Variants in TMEM223 observed in about 807,000 individuals in gnomAD.
TMEM223 encodes the protein transmembrane protein 223.
Under a neutral mutation model 14.1 loss-of-function variants are expected in TMEM223, and 14 were observed. The ratio of observed to expected loss-of-function variants is 0.99; its 90% CI spans 0.66 to 1.55. The LOEUF (loss-of-function observed/expected upper bound fraction) is 1.55, where lower values mean the gene tolerates loss of function less well. Among genes scored for constraint, TMEM223 ranks in the 40% most tolerant of loss-of-function variants. The pLI, the probability that TMEM223 is intolerant of heterozygous loss-of-function variation, is 0.00. For synonymous variants in TMEM223, 145 were observed against 120.5 expected, an observed-to-expected ratio of 1.20 and a Z score of -1.33; for missense variants, 346 against 269.9, an observed-to-expected ratio of 1.28 and a Z score of -1.97.
chr11:62,777,860 A>G, intron 1 of TMEM223: 2 of 1,234,276 alleles, frequency 1.6e-6, no homozygotes, highest in Non-Finnish European at 2.2e-6. Context: ...TTTTCTTGGG[A>G]CTTCTGGACT....
chr11:62,772,100 G>A (rs1339409543), exon 3 of TMEM223: 1 of 456,224 alleles, frequency 2.2e-6, no homozygotes. Flanking sequence ...AGAAGTCATG[G>A]AACATTTAGC....
At chr11:62,783,235 C>T (rs1412796625), downstream of TMEM223, among the ~76,000 whole-genome samples, 2 of 152,186 alleles carry the variant, frequency 1.3e-5, no homozygotes, top group Non-Finnish European at 2.9e-5. Context: ...GTAATCCCAG[C>T]ACTTTGGGAG....
chr11:62,791,615 G>T, intron 1 of TMEM223, 64 bp downstream of exon 1: 1 of 1,454,946 alleles, frequency 6.9e-7, no homozygotes, highest in African/African-American at 1.4e-5. Context: ...CTCCCTGCCT[G>T]TATAGGGAAG....
chr11:62,778,958 A>C, intron 1 of TMEM223: 1 of 1,610,904 alleles, frequency 6.2e-7, no homozygotes, highest in Non-Finnish European at 8.5e-7. Context: ...TCCGCAACTG[A>C]TGAAGGTGAG....
downstream of TMEM223, chr11:62,789,375 T>C (rs760081104): frequency 2.5e-6 from 4 of 1,613,898 alleles, no homozygotes; most frequent in Admixed American, 3.3e-5. Flanking sequence ...ATCCTTCGAT[T>C]TGGCACCAGG....
downstream of TMEM223, chr11:62,771,331 G>C (rs1209068940): frequency 6.6e-6 from 1 of 152,630 alleles, no homozygotes. Flanking sequence ...CTCCTGGAGG[G>C]CCGGAAACTT....
chr11:62,789,818 T>C (rs188352989), downstream of TMEM223: 11 of 1,571,230 alleles, frequency 7.0e-6, no homozygotes, highest in Non-Finnish European at 8.6e-6. Flanking sequence ...TTCAGAGTGG[T>C]GTGTGGGTGG....
chr11:62,791,270 T>C (rs1277146213), intron 1 of TMEM223, among the ~76,000 whole-genome samples: 1 of 152,038 alleles, frequency 6.6e-6, no homozygotes, highest in Non-Finnish European at 1.5e-5. Context: ...CCAATTTTTT[T>C]TTTTGAGAGG....
At chr11:62,784,240 G>A (rs2084253052), downstream of TMEM223, among the ~76,000 whole-genome samples, 1 of 150,422 alleles carries the variant, frequency 6.6e-6, no homozygotes, top group South Asian at 2.1e-4. Flanking sequence ...CGCCCGCCTC[G>A]GCTTCCCAAA....
downstream of TMEM223, chr11:62,788,010 T>TATA (rs543041558): frequency 3.1e-4 from 143 of 460,058 alleles, no homozygotes; most frequent in African/African-American, 2.8e-3. Flanking sequence ...GCCAATAATT[T>TATA]ACATCGTTTA....
At chr11:62,791,656 T>C in intron 1 of TMEM223, 23 bp downstream of exon 1, 2 of 1,507,400 alleles carry the variant, frequency 1.3e-6, no homozygotes, top group Non-Finnish European at 1.8e-6. Context: ...GTTGTCACAG[T>C]GGGAAGCCAG....
At chr11:62,780,895 C>T (rs188509801) in intron 1 of TMEM223, among the ~76,000 whole-genome samples, 15 of 149,478 alleles carry the variant, frequency 1.0e-4, no homozygotes, top group African/African-American at 3.2e-4. Flanking sequence ...CGAGATCGCG[C>T]CACCGCACTC....
downstream of TMEM223, among the ~76,000 whole-genome samples, chr11:62,785,212 G>A (rs559139312): frequency 6.7e-6 from 1 of 148,330 alleles, no homozygotes; most frequent in African/African-American, 2.5e-5. Flanking sequence ...TTTTTTTCGA[G>A]ACAGAGTCTC....
chr11:62,791,654 A>G (rs1330641014), intron 1 of TMEM223, 25 bp downstream of exon 1: 2 of 1,503,146 alleles, frequency 1.3e-6, no homozygotes, highest in East Asian at 2.5e-5. Flanking sequence ...ACGTTGTCAC[A>G]GTGGGAAGCC....
downstream of TMEM223, chr11:62,789,308 C>T (rs368871721): frequency 8.1e-6 from 13 of 1,613,902 alleles, no homozygotes; most frequent in South Asian, 2.2e-5. Flanking sequence ...TATAGGGCTG[C>T]GCATTGCACT....
At chr11:62,776,442 A>G (rs2134702996) in intron 1 of TMEM223, 2 of 1,613,762 alleles carry the variant, frequency 1.2e-6, no homozygotes, top group Non-Finnish European at 1.7e-6. Flanking sequence ...GAGGACTTCA[A>G]CAGGGCCCTC....
At chr11:62,772,700 C>T (rs1416778080) in intron 2 of TMEM223, among the ~76,000 whole-genome samples, 3 of 143,910 alleles carry the variant, frequency 2.1e-5, no homozygotes, top group African/African-American at 5.2e-5. Context: ...TGTGGCGGCA[C>T]AGGCCTGTAA....
At chr11:62,783,172 G>T (rs1017947950), downstream of TMEM223, among the ~76,000 whole-genome samples, 1 of 152,182 alleles carries the variant, frequency 6.6e-6, no homozygotes, top group Non-Finnish European at 1.5e-5. Flanking sequence ...ATTATCAAAT[G>T]ATTATACGCT....
downstream of TMEM223, among the ~76,000 whole-genome samples, chr11:62,785,100 A>T (rs747350064): frequency 5.3e-5 from 8 of 151,992 alleles, no homozygotes; most frequent in African/African-American, 9.7e-5. Flanking sequence ...GCCTTCCCAA[A>T]GTGCTGGGAT....
Sources: gnomAD v4.1 joint callset for allele counts (sites outside exome capture counted in the v4.1 genomes callset) on GRCh38, gnomAD v4.1.1 for gene constraint, MANE v1.5 for transcripts, NCBI Gene and HGNC (gene_info 2026-07-23, HGNC 2026-07-21) for gene names.